The following NET1 variants were observed in gnomAD, a reference collection of about 807,000 sequenced individuals.
NET1 encodes neuroepithelial cell transforming 1, also known as neuroepithelial cell-transforming gene 1 protein.
NET1 carries 42 observed loss-of-function variants against 61.1 expected under a neutral mutation model. That is an observed-to-expected ratio of 0.69 (90% confidence interval 0.54 to 0.89). The LOEUF (loss-of-function observed/expected upper bound fraction) is 0.89, where lower values mean the gene tolerates loss of function less well. Among genes scored for constraint, NET1 ranks in the 40% least tolerant of loss-of-function variants. NET1 has a pLI of 0.00. For synonymous variants in NET1, 254 were observed against 281.8 expected, an observed-to-expected ratio of 0.90 and a Z score of 0.99; for missense variants, 654 against 747.3, an observed-to-expected ratio of 0.88 and a Z score of 1.46.
At chr10:5,419,657 T>C (rs1485164935) in intron 1 of NET1, among the ~76,000 whole-genome samples, 1 of 150,340 alleles carries the variant, frequency 6.7e-6, no homozygotes, top group Non-Finnish European at 1.5e-5. Context: ...GTATTTCTTG[T>C]AAGGCAAGTC....
rs188664113 is a variant in NET1, at chr10:5,458,736, C to T, written c.*1742C>T. Among the ~76,000 whole-genome samples, 1 of 152,254 alleles carries T rather than the reference C, an allele frequency of 6.6e-6. No individual in the cohort carries two copies. Among genetic ancestry groups the T allele is most frequent in the East Asian group, 1.9e-4 (1 of 5,186 alleles). ...AGTAAGGGTAGTAGTGGCAAAGGAT[C>T]CTGATTAATTTCAGATTTTAATGTA... On this transcript the variant is annotated 3_prime_UTR_variant, in exon 12 of 12. Transcript: ENST00000355029. The surrounding 1 kb of genome is among the most constrained non-coding windows in gnomAD (Gnocchi z 4.5).
chr10:5,456,820 C>T lies in NET1; in HGVS notation c.1617C>T (p.Ser539=). Residue 539 remains serine (S), a synonymous_variant, in exon 12 of 12, where the codon TCC becomes TCT. Coordinates refer to ENST00000355029, the MANE Select transcript of NET1 (RefSeq NM_001047160.3). The surrounding 1 kb of genome is among the most constrained non-coding windows in gnomAD (Gnocchi z 7.0). ...ARKLTAQRRA[S]TVSSVTQVEV... ...AACTCACAGCCCAGAGGAGGGCATC[C>T]ACAGTTTCCAGTGTTACTCAGGTAG... 1.2e-6 allele frequency: 2 copies of T among 1,613,804 alleles called. No individual in the cohort carries two copies. Among genetic ancestry groups the T allele is most frequent in the South Asian group, 1.1e-5 (1 of 91,010 alleles).
rs1326559405 is a variant in NET1, at chr10:5,443,008, T to C, written c.256-8822T>C. On this transcript the variant is annotated intron_variant, in intron 3 of 11. Coordinates refer to ENST00000355029, the MANE Select transcript of NET1 (RefSeq NM_001047160.3). The surrounding 1 kb of genome is among the most constrained non-coding windows in gnomAD (Gnocchi z 4.8). ...TAAGGCAGCTAATCTCTCAACCGTTTTTATGGTTTCCTCCTCTATAAAAGT... is the reference window on the plus strand; with the variant it reads ...TAAGGCAGCTAATCTCTCAACCGTTCTTATGGTTTCCTCCTCTATAAAAGT... Among the ~76,000 whole-genome samples, 3 of 152,228 alleles carry C rather than the reference T, an allele frequency of 2.0e-5. No homozygotes were observed. The East Asian group carries it at 5.8e-4, about 29-fold the overall frequency.
chr10:5,450,585 T>A (rs150570175), intron 3 of NET1, among the ~76,000 whole-genome samples: 43 of 152,264 alleles, frequency 2.8e-4, no homozygotes, highest in African/African-American at 9.6e-4. Context: ...TTCTGTTATT[T>A]TTAAATGATG....
rs1832457399 is a variant in NET1, at chr10:5,437,640, C to T, written c.255+8411C>T. Among the ~76,000 whole-genome samples the T allele has an allele frequency of 6.9e-6, 1 of 145,438 alleles. No individual in the cohort carries two copies. The highest frequency in any genetic ancestry group is 1.5e-5 in the Non-Finnish European group (1 of 66,854). On this transcript the variant is annotated intron_variant, in intron 3 of 11. Transcript: ENST00000355029. This position sits in a 1 kb window ranked among gnomAD's most constrained non-coding sequence, Gnocchi z 4.3. ...TTATGATAATATTCATAACCGAGTA[C>T]CCTTTTCAACTCTGTATTTTCCCTA...
rs1832181654 is a variant in NET1, at chr10:5,422,062, G to C, written c.129-4593G>C. 6.6e-6 allele frequency among the ~76,000 whole-genome samples: 1 copy of C among 152,052 alleles called. No individual in the cohort carries two copies. Among genetic ancestry groups the C allele is most frequent in the Non-Finnish European group, 1.5e-5 (1 of 68,020 alleles). ...CATTTGCATGTAAGTCTTAGTGTAG[G>C]CTGGGCGCGGTGGCTCACGCCTATA... On this transcript the variant is annotated intron_variant, in intron 1 of 11. Transcript: ENST00000355029. The surrounding 1 kb of genome is among the most constrained non-coding windows in gnomAD (Gnocchi z 4.1).
At chr10:5,436,221 T>C (rs1393285874) in intron 3 of NET1, among the ~76,000 whole-genome samples, 1 of 68,932 alleles carries the variant, frequency 1.5e-5, no homozygotes, top group Non-Finnish European at 2.8e-5. Context: ...TGTGTGTGTG[T>C]GTGCATATAT....
rs1455970304 is a variant in NET1 at position 5,418,015 on chromosome 10, T to G, written c.128+5195T>G. Among the ~76,000 whole-genome samples the G allele has an allele frequency of 2.0e-5, 3 of 152,158 alleles. No homozygotes were observed. In the East Asian group the frequency reaches 5.8e-4, roughly 29 times the overall value. On this transcript the variant is annotated intron_variant, in intron 1 of 11. Transcript: ENST00000355029. ...CCTGGTATAAGTCCTGCTTGGTCAT[T>G]GTGTATAGCTTTTTTAAATATATTG...
At position 5,456,966 on chromosome 10, in the gene NET1, G is replaced by C; in HGVS notation, c.1763G>C (p.Gly588Ala). 1 of 1,570,904 alleles carries C rather than the reference G, an allele frequency of 6.4e-7. No homozygotes were observed. The highest frequency in any genetic ancestry group is 1.2e-5 in the South Asian group (1 of 84,856). ...IRRARDKALS[G>A]GKRKETLV ...AGAGCGAGGGACAAAGCCCTTTCTGGTGGCAAACGGAAAGAGACTTTGGTG... is the reference window on the plus strand; with the variant it reads ...AGAGCGAGGGACAAAGCCCTTTCTGCTGGCAAACGGAAAGAGACTTTGGTG... Residue 588 changes from glycine (G) to alanine (A), a missense_variant, in exon 12 of 12, where the codon GGT (glycine) becomes GCT (alanine). By Grantham distance (60) the Gly-to-Ala change is moderately conservative. Transcript: ENST00000355029. This position sits in a 1 kb window ranked among gnomAD's most constrained non-coding sequence, Gnocchi z 7.0.
In NET1 at chr10:5,453,236, C is replaced by G. The variant is rs781763319; in HGVS notation, c.595-14C>G. On this transcript the variant is annotated splice_polypyrimidine_tract_variant and intron_variant, in intron 6 of 11. Coordinates refer to ENST00000355029, the MANE Select transcript of NET1 (RefSeq NM_001047160.3). The surrounding 1 kb of genome is among the most constrained non-coding windows in gnomAD (Gnocchi z 4.9). ...CACATGATCTCTCTGTGACACATTT[C>G]TCCCCTCTGACAGGCCTATCATGAC... is the stretch of plus-strand genomic sequence containing the variant. 1.4e-5 allele frequency: 20 copies of G among 1,407,568 alleles called. No homozygotes were observed. Among genetic ancestry groups the G allele is most frequent in the Non-Finnish European group, 2.0e-5 (20 of 991,526 alleles). 87.2% of individuals were successfully genotyped at this position (1,407,568 alleles called of 1,614,324 possible).
chr10:5,451,995 T>C lies in NET1; in HGVS notation c.363+58T>C. ...GCGGACTTTATAGAAGCCTGGAATT[T>C]GTAGTTGTCTTTGAGCTGTACAAAC... is the stretch of plus-strand genomic sequence containing the variant. On this transcript the variant is annotated intron_variant, in intron 4 of 11. Transcript: ENST00000355029. This position sits in a 1 kb window ranked among gnomAD's most constrained non-coding sequence, Gnocchi z 6.1. 7.6e-7 allele frequency: 1 copy of C among 1,322,010 alleles called. No individual in the cohort carries two copies. The highest frequency in any genetic ancestry group is 1.1e-6 in the Non-Finnish European group (1 of 928,874). The allele number at this position is 1,322,010 out of a possible 1,614,324, so 81.9% of individuals were successfully genotyped here. A position where few individuals can be genotyped will look rare whatever the true frequency, so the allele number is the denominator to read the frequency against.
chr10:5,434,301 T>C (rs543450033), intron 3 of NET1, among the ~76,000 whole-genome samples: 27 of 152,348 alleles, frequency 1.8e-4, no homozygotes, highest in African/African-American at 6.5e-4. Flanking sequence ...TTCTTGTCTT[T>C]GCTTCTGTTG....
At position 5,454,391 on chromosome 10, in the gene NET1, A is replaced by G. The variant is rs767303188; in HGVS notation, c.895A>G (p.Ser299Gly). Residue 299 changes from serine (S) to glycine (G), a missense_variant, in exon 9 of 12, where the codon AGT becomes GGT. Physicochemically the swap from Ser to Gly is moderately conservative, Grantham distance 56. Coordinates refer to ENST00000355029, the MANE Select transcript of NET1 (RefSeq NM_001047160.3). This position sits in a 1 kb window ranked among gnomAD's most constrained non-coding sequence, Gnocchi z 8.1. ...FLQRCLESPF[S>G]RKLDLWSFLD... Reference sequence around the variant, plus strand: ...CCAGCGATGTCTCGAGTCTCCCTTCAGTCGAAAACTAGATCTTTGGAGTTT... The same window carrying G: ...CCAGCGATGTCTCGAGTCTCCCTTCGGTCGAAAACTAGATCTTTGGAGTTT... 6.2e-7 allele frequency: 1 copy of G among 1,614,202 alleles called. No individual in the cohort carries two copies. Among genetic ancestry groups the G allele is most frequent in the South Asian group, 1.1e-5 (1 of 91,082 alleles).
Position 5,423,756 on chromosome 10 carries a change from T to C in NET1, c.129-2899T>C, listed in dbSNP as rs1056881748. Among the ~76,000 whole-genome samples, 2 of 152,306 alleles carry C rather than the reference T, an allele frequency of 1.3e-5. No individual in the cohort carries two copies. Among genetic ancestry groups the C allele is most frequent in the East Asian group, 3.9e-4 (2 of 5,186 alleles). ...TTAATGTTTTATGAAATCATTTTTT[T>C]CCCCACAAGGATTTAAAATAGCTAT... is the stretch of plus-strand genomic sequence containing the variant. On this transcript the variant is annotated intron_variant, in intron 1 of 11. Coordinates refer to ENST00000355029, the MANE Select transcript of NET1 (RefSeq NM_001047160.3). The surrounding 1 kb of genome is among the most constrained non-coding windows in gnomAD (Gnocchi z 4.4).
chr10:5,454,848 C>A lies in NET1; in HGVS notation c.1027-100C>A. On this transcript the variant is annotated intron_variant, in intron 9 of 11. Transcript: ENST00000355029. This position sits in a 1 kb window ranked among gnomAD's most constrained non-coding sequence, Gnocchi z 8.1. ...AACTGATTTCTAGAGTCCCTTCAAG[C>A]TTTAAAGTTCTTCCATTCCATATGA... 3 of 1,165,704 alleles carry A rather than the reference C, an allele frequency of 2.6e-6. No homozygotes were observed. Among genetic ancestry groups the A allele is most frequent in the Admixed American group, 2.0e-5 (1 of 50,276 alleles). 72.2% of individuals were successfully genotyped at this position (1,165,704 alleles called of 1,614,324 possible). A position where few individuals can be genotyped will look rare whatever the true frequency, so the allele number is the denominator to read the frequency against.
At chr10:5,433,976 G>C (rs1832387038) in intron 3 of NET1, among the ~76,000 whole-genome samples, 1 of 151,336 alleles carries the variant, frequency 6.6e-6, no homozygotes, top group Non-Finnish European at 1.5e-5. Context: ...TCCTTCTCCA[G>C]TCACCTAATT....
Position 5,454,657 on chromosome 10 carries a change from G to C in NET1, c.1026+135G>C. On this transcript the variant is annotated intron_variant, in intron 9 of 11. Transcript: ENST00000355029. The surrounding 1 kb of genome is among the most constrained non-coding windows in gnomAD (Gnocchi z 8.1). ...GTTGTTTTAAGTACCCAGTGCGTTA[G>C]TACGCTGTGCACTAAGCAATAAGGA... The C allele has an allele frequency of 9.5e-7, 1 of 1,050,858 alleles. No homozygotes were observed. Among genetic ancestry groups the C allele is most frequent in the Non-Finnish European group, 1.4e-6 (1 of 732,476 alleles). The allele number at this position is 1,050,858 out of a possible 1,614,324, so 65.1% of individuals were successfully genotyped here.
rs1832731227 is a variant in NET1 at position 5,452,864 on chromosome 10, T to C, written c.538T>C (p.Tyr180His). Residue 180 changes from tyrosine to histidine, a missense_variant, in exon 6 of 12, where the codon TAT becomes CAT. Physicochemically the swap from Tyr to His is moderately conservative, Grantham distance 83. Transcript: ENST00000355029. This position sits in a 1 kb window ranked among gnomAD's most constrained non-coding sequence, Gnocchi z 4.0. ...GTTTGCTGGATGTTTTTAGGCAATA[T>C]ATGAAATGTCCCGAGGTGAACAGGA... ...TREIRRQEAIYEMSRGEQDLI... is the reference protein window; with the variant it reads ...TREIRRQEAIHEMSRGEQDLI... The C allele has an allele frequency of 1.2e-6, 2 of 1,613,206 alleles. No homozygotes were observed. Among genetic ancestry groups the C allele is most frequent in the Middle Eastern group, 1.6e-4 (1 of 6,062 alleles).
chr10:5,431,699 AT>A lies in NET1; in HGVS notation c.255+2479del, dbSNP rs912402647. On this transcript the variant is annotated intron_variant, in intron 3 of 11. Transcript: ENST00000355029. The surrounding 1 kb of genome is among the most constrained non-coding windows in gnomAD (Gnocchi z 4.9). ...TAGCATTCTCTGAAAGTAAGTAATG[AT>A]TTTTTTTTCTCCTTAGTATTATGAA... is the stretch of plus-strand genomic sequence containing the variant. 5.3e-5 allele frequency among the ~76,000 whole-genome samples: 8 copies of A among 151,476 alleles called. No homozygotes were observed. Among genetic ancestry groups the A allele is most frequent in the African/African-American group, 1.5e-4 (6 of 41,172 alleles).
Sources: allele counts gnomAD v4.1 joint callset (sites outside exome capture counted in the v4.1 genomes callset), GRCh38; gene constraint gnomAD v4.1.1; non-coding constraint Gnocchi (gnomAD v3.1); transcripts MANE v1.5; gene names NCBI Gene and HGNC (gene_info 2026-07-23, HGNC 2026-07-21).